PTPRF: variants seen among roughly 807,000 people sequenced by gnomAD.
The protein encoded by PTPRF is protein tyrosine phosphatase receptor type F.
PTPRF carries 59 observed loss-of-function variants against 201.8 expected under a neutral mutation model. That is an observed-to-expected ratio of 0.29 (90% CI 0.24 to 0.36). The LOEUF (loss-of-function observed/expected upper bound fraction) is 0.36, where lower values mean the gene tolerates loss of function less well. PTPRF is among the 10% of genes least tolerant of loss of function. The pLI, the probability that PTPRF is intolerant of heterozygous loss-of-function variation, is 1.00. For synonymous variants in PTPRF, 1,088 were observed against 1,089.7 expected (o/e 1.00, Z 0.03); for missense variants, 2,132 against 2,690.5 (o/e 0.79, Z 4.59).
chr1:43,588,633 C>T lies in PTPRF; in HGVS notation c.680-98C>T. The T allele has an allele frequency of 1.3e-6, 2 of 1,495,760 alleles. No homozygotes were observed. Among genetic ancestry groups the T allele is most frequent in the Non-Finnish European group, 1.8e-6 (2 of 1,110,568 alleles). 92.7% of individuals were successfully genotyped at this position (1,495,760 alleles called of 1,614,324 possible). On this transcript the variant is annotated intron_variant, in intron 7 of 33. Transcript: ENST00000359947. The surrounding 1 kb of genome is among the most constrained non-coding windows in gnomAD (Gnocchi z 5.3). The stretch of plus-strand genomic sequence containing the variant: ...CTCCTGTCTCTGAGCATGGGTTTGG[C>T]TCTGACCAGAGGGGCTTCCTGAATG...
chr1:43,532,116 C>T (rs935821957), intron 1 of PTPRF, among the ~76,000 whole-genome samples: 3 of 152,152 alleles, frequency 2.0e-5, no homozygotes, highest in East Asian at 3.9e-4. Context: ...TCTCTGTCTC[C>T]CTCCTTAAGT....
intron 5 of PTPRF, among the ~76,000 whole-genome samples, chr1:43,560,957 G>T (rs1256431072): frequency 1.3e-5 from 2 of 152,186 alleles, no homozygotes; most frequent in African/African-American, 4.8e-5. Context: ...TGGAGTGCCT[G>T]GTGTTGCCAG....
chr1:43,617,493 G>A lies in PTPRF; in HGVS notation c.4120G>A (p.Val1374Met), dbSNP rs1203282758. The A allele has an allele frequency of 1.9e-6, 3 of 1,614,030 alleles. No individual in the cohort carries two copies. Among genetic ancestry groups the A allele is most frequent in the Non-Finnish European group, 2.5e-6 (3 of 1,180,028 alleles). ...QFTWENSNLEVNKPKNRYANV... is the reference protein window; with the variant it reads ...QFTWENSNLEMNKPKNRYANV... ...CACGTGGGAGAATTCAAACCTGGAG[G>A]TGAACAAGCCCAAGAACCGCTATGC... is the stretch of plus-strand genomic sequence containing the variant. Residue 1374 changes from valine (V) to methionine (M), a missense_variant, in exon 24 of 34, where the codon GTG becomes ATG. Val to Met is a conservative substitution (Grantham distance 21, BLOSUM62 1). This residue lies in a region of PTPRF where 818 missense variants were observed against 915.3 expected (regional missense o/e 0.89). Transcript: ENST00000359947.
chr1:43,596,107 T>A (rs1055406964), intron 11 of PTPRF, among the ~76,000 whole-genome samples: 30 of 151,012 alleles, frequency 2.0e-4, no homozygotes, highest in African/African-American at 7.1e-4. Flanking sequence ...TTGGTGAGAG[T>A]GTGGTAGGTG....
At position 43,620,876 on chromosome 1, in the gene PTPRF, A is replaced by G; in HGVS notation, c.5403A>G (p.Thr1801=). ...GGACAATCCGGCAGTTCCAGTTCACAGACTGGCCAGAGCAGGGCGTGCCCA... is the reference window on the plus strand; with the variant it reads ...GGACAATCCGGCAGTTCCAGTTCACGGACTGGCCAGAGCAGGGCGTGCCCA... ...QSRTIRQFQF[T]DWPEQGVPKT... Residue 1801 remains threonine, a synonymous_variant, in exon 32 of 34, where the codon ACA becomes ACG. Coordinates refer to ENST00000359947, the MANE Select transcript of PTPRF (RefSeq NM_002840.5). 1 of 1,613,988 alleles carries G rather than the reference A, an allele frequency of 6.2e-7. No individual in the cohort carries two copies.
Position 43,619,056 on chromosome 1 carries a change from C to T in PTPRF, c.4500C>T (p.Ser1500=), listed in dbSNP as rs768463081. The T allele has an allele frequency of 3.1e-6, 5 of 1,613,458 alleles. No homozygotes were observed. In the South Asian group the frequency reaches 3.3e-5, roughly 11 times the overall value. Residue 1500 remains serine (S), a synonymous_variant, in exon 27 of 34, where the codon TCC becomes TCT. Coordinates refer to ENST00000359947, the MANE Select transcript of PTPRF (RefSeq NM_002840.5). ...VRTFALHKSG[S]SEKRELRQFQ... ...CCCACTTTGTCCCCCAGAGTGGCTCCAGTGAGAAGCGCGAGCTGCGTCAGT... is the reference window on the plus strand; with the variant it reads ...CCCACTTTGTCCCCCAGAGTGGCTCTAGTGAGAAGCGCGAGCTGCGTCAGT...
At chr1:43,592,048 G>A in intron 10 of PTPRF, 100 bp downstream of exon 10, 1 of 1,509,014 alleles carries the variant, frequency 6.6e-7, no homozygotes, top group East Asian at 2.3e-5. Context: ...TGTGGCTTAT[G>A]TGGGCACAGC....
At chr1:43,615,876 C>T (rs563705968) in intron 23 of PTPRF, among the ~76,000 whole-genome samples, 1 of 152,286 alleles carries the variant, frequency 6.6e-6, no homozygotes, top group South Asian at 2.1e-4. Context: ...GCTCTGTTGT[C>T]TTTAACGTTC....
At chr1:43,621,046 C>A in intron 32 of PTPRF, 51 bp from the exon 33 acceptor site, 2 of 1,610,540 alleles carry the variant, frequency 1.2e-6, no homozygotes, top group East Asian at 2.2e-5. Flanking sequence ...GCCTGGCAGA[C>A]CCACTGCATG....
Position 43,553,703 on chromosome 1 carries a change from CCCT to C in PTPRF, c.237+71_237+73del. ...TGCCCACACTCTCTCCTTTCAGTGT[CCCT>C]CCTCATGGACCTTTTGGAGGTGGGA... On this transcript the variant is annotated intron_variant, in intron 4 of 33. Transcript: ENST00000359947. The surrounding 1 kb of genome is among the most constrained non-coding windows in gnomAD (Gnocchi z 4.1). The C allele has an allele frequency of 6.2e-7, 1 of 1,609,214 alleles. No individual in the cohort carries two copies. Among genetic ancestry groups the C allele is most frequent in the Non-Finnish European group, 8.5e-7 (1 of 1,177,026 alleles).
Position 43,537,792 on chromosome 1 carries a change from T to A in PTPRF, c.-125-406T>A, listed in dbSNP as rs1644114558. ...GGAAGAAATTTGGCACATTTGAGGA[T>A]CAGAAGAGGAAGTTCCCGTTCTGGC... On this transcript the variant is annotated intron_variant, in intron 1 of 33. Coordinates refer to ENST00000359947, the MANE Select transcript of PTPRF (RefSeq NM_002840.5). The surrounding 1 kb of genome is among the most constrained non-coding windows in gnomAD (Gnocchi z 4.8). Among the ~76,000 whole-genome samples, 1 of 152,078 alleles carries A rather than the reference T, an allele frequency of 6.6e-6. No individual in the cohort carries two copies. The highest frequency in any genetic ancestry group is 2.1e-4 in the South Asian group (1 of 4,822).
At chr1:43,551,912 C>G (rs1292239059) in intron 3 of PTPRF, among the ~76,000 whole-genome samples, 1 of 152,016 alleles carries the variant, frequency 6.6e-6, no homozygotes, top group Non-Finnish European at 1.5e-5. Flanking sequence ...CCCCAGAGCC[C>G]CTGGCCCCTG....
rs77543816 is a variant in PTPRF, at chr1:43,573,977, C to CTTT, written c.568+4233_568+4235dup. Among the ~76,000 whole-genome samples, 35 of 63,918 alleles carry CTTT rather than the reference C, an allele frequency of 5.5e-4. 4 individuals carry two copies. The highest frequency in any genetic ancestry group is 6.6e-4 in the East Asian group (1 of 1,520). 41.9% of individuals were successfully genotyped at this position (63,918 alleles called of 152,430 possible). A position where few individuals can be genotyped will look rare whatever the true frequency, so the allele number is the denominator to read the frequency against. On this transcript the variant is annotated intron_variant, in intron 6 of 33. Transcript: ENST00000359947. ...CAAAGAGGGTTTGCTTGTGTGGGTT[C>CTTT]TTTTTTTTTTTTTTTTTTTTTTTTT...
At chr1:43,591,746 C>A (rs1445854127) in intron 9 of PTPRF, 66 bp from the exon 10 acceptor site, 2 of 1,590,048 alleles carry the variant, frequency 1.3e-6, no homozygotes, top group Admixed American at 1.7e-5. Flanking sequence ...TCCTCGGCTC[C>A]CTCCTCCCTG....
At position 43,606,459 on chromosome 1, in the gene PTPRF, G is replaced by C. The variant is rs1409600035; in HGVS notation, c.3702+1G>C. ...CTCCTTGAAGGAACCCATGGACCAG[G>C]TCTGCCTGAGCCGGCTTGGCTGTCA... On this transcript the variant is annotated splice_donor_variant, in intron 20 of 33. Coordinates refer to ENST00000359947, the MANE Select transcript of PTPRF (RefSeq NM_002840.5). LOFTEE classifies it high-confidence loss of function. 6.2e-7 allele frequency: 1 copy of C among 1,611,210 alleles called. No homozygotes were observed. The highest frequency in any genetic ancestry group is 1.1e-5 in the South Asian group (1 of 90,920).
chr1:43,585,494 G>A (rs937645650), intron 7 of PTPRF, among the ~76,000 whole-genome samples: 1 of 152,272 alleles, frequency 6.6e-6, no homozygotes, highest in Middle Eastern at 3.4e-3. Flanking sequence ...TGGACCTGAG[G>A]CCCTTGCTTG....
chr1:43,531,877 C>T (rs1005438167), intron 1 of PTPRF, among the ~76,000 whole-genome samples: 2 of 152,220 alleles, frequency 1.3e-5, no homozygotes, highest in African/African-American at 4.8e-5. Context: ...GCCGGCGTCT[C>T]TGTCTCGGCT....
chr1:43,531,550 C>T (rs1463756059), intron 1 of PTPRF, among the ~76,000 whole-genome samples: 2 of 148,638 alleles, frequency 1.3e-5, no homozygotes, highest in Non-Finnish European at 3.0e-5. Flanking sequence ...CGCGCCCCCG[C>T]CCCCGCCGCA....
At chr1:43,582,476 G>A (rs3828148) in intron 7 of PTPRF, 38,950 of 152,330 alleles carry the variant, frequency 0.26, 5,843 homozygotes, top group East Asian at 0.39. Context: ...CTCTCTGGGT[G>A]TACAGCTGCT....
Sources: allele counts gnomAD v4.1 joint callset (sites outside exome capture counted in the v4.1 genomes callset), GRCh38; gene constraint gnomAD v4.1.1; regional missense constraint gnomAD v4.1.1; non-coding constraint Gnocchi (gnomAD v3.1); transcripts MANE v1.5; gene names NCBI Gene and HGNC (gene_info 2026-07-23, HGNC 2026-07-21).